The following CRADD variants were observed in gnomAD, a reference collection of about 807,000 sequenced individuals.
The protein encoded by CRADD is death domain-containing protein CRADD.
CRADD carries 9 observed loss-of-function variants against 15.5 expected under a neutral mutation model. The observed-to-expected ratio is 0.58, with a 90% CI of 0.35 to 1.01. The LOEUF is 1.01. Ranked by LOEUF, CRADD falls within the 50% of genes least tolerant of loss-of-function variation. The pLI is 0.02. For synonymous variants in CRADD, 118 were observed against 107.6 expected, an observed-to-expected ratio of 1.10 and a Z score of -0.60; for missense variants, 227 against 250.3, an observed-to-expected ratio of 0.91 and a Z score of 0.63.
At chr12:93,725,863 C>T (rs1174420936) in intron 2 of CRADD, among the ~76,000 whole-genome samples, 1 of 152,126 alleles carries the variant, frequency 6.6e-6, no homozygotes, top group Non-Finnish European at 1.5e-5. Flanking sequence ...CCTCAAAACT[C>T]CCTGCCTGTA....
At chr12:93,891,286 C>T (rs1244958728) in intron 2 of CRADD, among the ~76,000 whole-genome samples, 1 of 151,804 alleles carries the variant, frequency 6.6e-6, no homozygotes, top group Non-Finnish European at 1.5e-5. Flanking sequence ...GCCAGGAGTT[C>T]GAGACCAGCC....
intron 2 of CRADD, among the ~76,000 whole-genome samples, chr12:93,784,344 C>T (rs1028007174): frequency 6.6e-6 from 1 of 152,070 alleles, no homozygotes; most frequent in Non-Finnish European, 1.5e-5. Context: ...AATATCTAAT[C>T]ATGTTTAACT....
chr12:93,702,813 G>A (rs887298304), intron 2 of CRADD, among the ~76,000 whole-genome samples: 4 of 152,096 alleles, frequency 2.6e-5, no homozygotes, highest in African/African-American at 4.8e-5. Context: ...TGGTGGTCCC[G>A]TAACTGAGGA....
At chr12:93,851,181 C>T (rs190456035), downstream of CRADD, among the ~76,000 whole-genome samples, 6 of 152,174 alleles carry the variant, frequency 3.9e-5, no homozygotes, top group African/African-American at 9.7e-5. Flanking sequence ...ACTGTTTTCA[C>T]GGCTTTTCCT....
In CRADD at chr12:93,824,597, C is replaced by T. The variant is rs1454480038; in HGVS notation, c.299-25373C>T. ...GAGTTCAGTTTACTTAGGGAACTGT[C>T]GTGTTAACACCGAAGAATGCATTAG... On this transcript the variant is annotated intron_variant, in intron 2 of 2. Coordinates refer to ENST00000332896, the MANE Select transcript of CRADD (RefSeq NM_003805.5). This position sits in a 1 kb window ranked among gnomAD's most constrained non-coding sequence, Gnocchi z 4.3. Among the ~76,000 whole-genome samples the T allele has an allele frequency of 1.3e-5, 2 of 152,152 alleles. No homozygotes were observed. Among genetic ancestry groups the T allele is most frequent in the Non-Finnish European group, 1.5e-5 (1 of 68,036 alleles).
chr12:93,841,494 C>T (rs1422412702), intron 2 of CRADD, among the ~76,000 whole-genome samples: 1 of 152,142 alleles, frequency 6.6e-6, no homozygotes, highest in Non-Finnish European at 1.5e-5. Flanking sequence ...CCTGTAAAGC[C>T]ATCTGGGCCT....
chr12:93,726,814 A>G (rs1430909573), intron 2 of CRADD, among the ~76,000 whole-genome samples: 1 of 152,098 alleles, frequency 6.6e-6, no homozygotes, highest in African/African-American at 2.4e-5. Flanking sequence ...ATGGTGTACT[A>G]CAGCACTCTA....
intron 2 of CRADD, among the ~76,000 whole-genome samples, chr12:93,772,443 G>A (rs1277376642): frequency 6.6e-6 from 1 of 152,166 alleles, no homozygotes; most frequent in Non-Finnish European, 1.5e-5. Flanking sequence ...ATTTAATTAT[G>A]TCTATGCCAT....
At chr12:93,681,010 G>A (rs957462628) in intron 2 of CRADD, among the ~76,000 whole-genome samples, 2 of 151,800 alleles carry the variant, frequency 1.3e-5, no homozygotes, top group African/African-American at 2.4e-5. Flanking sequence ...TCAGCCTCCC[G>A]AGTAGCTGGG....
At chr12:93,789,323 T>C (rs1377787650) in intron 2 of CRADD, among the ~76,000 whole-genome samples, 1 of 152,126 alleles carries the variant, frequency 6.6e-6, no homozygotes, top group African/African-American at 2.4e-5. Context: ...CCATCCACTT[T>C]TCCTGAACAG....
intron 2 of CRADD, among the ~76,000 whole-genome samples, chr12:93,823,849 G>C (rs1268973198): frequency 1.3e-5 from 2 of 152,196 alleles, no homozygotes; most frequent in Non-Finnish European, 2.9e-5. Flanking sequence ...AGTCTAAAGA[G>C]ACTGTACTAG....
chr12:93,851,062 G>A (rs911514248), downstream of CRADD, among the ~76,000 whole-genome samples: 3 of 152,228 alleles, frequency 2.0e-5, no homozygotes, highest in African/African-American at 7.2e-5. Context: ...ACGAGAGGGG[G>A]TGTGGTCTTT....
chr12:93,820,735 C>T (rs1957760408), intron 2 of CRADD, among the ~76,000 whole-genome samples: 1 of 152,112 alleles, frequency 6.6e-6, no homozygotes, highest in African/African-American at 2.4e-5. Flanking sequence ...CCACAGCAGT[C>T]GGGATGGATT....
chr12:93,852,879 G>A (rs1262804775), downstream of CRADD, among the ~76,000 whole-genome samples: 1 of 151,864 alleles, frequency 6.6e-6, no homozygotes, highest in Admixed American at 6.6e-5. Context: ...ATGCATGCAT[G>A]AGTGTGGCCC....
chr12:93,849,407 T>C (rs1958179608), intron 2 of CRADD: 1 of 152,716 alleles, frequency 6.5e-6, no homozygotes, highest in South Asian at 2.1e-4. Flanking sequence ...TGAGTTTTTC[T>C]GGTGGGATTT....
chr12:93,707,193 G>T (rs1213281268), intron 2 of CRADD, among the ~76,000 whole-genome samples: 1 of 152,194 alleles, frequency 6.6e-6, no homozygotes, highest in Non-Finnish European at 1.5e-5. Flanking sequence ...AAATGATTGG[G>T]AGGAAGGCAC....
intron 2 of CRADD, among the ~76,000 whole-genome samples, chr12:93,820,764 A>T (rs1957760808): frequency 6.6e-6 from 1 of 152,062 alleles, no homozygotes. Flanking sequence ...TGTAAATTGG[A>T]TCATGCCCCA....
intron 2 of CRADD, among the ~76,000 whole-genome samples, chr12:93,817,469 A>T (rs1034234256): frequency 3.9e-5 from 6 of 152,160 alleles, no homozygotes; most frequent in African/African-American, 1.4e-4. Context: ...AACAGAGGCA[A>T]CAGAGGTTAA....
intron 2 of CRADD, among the ~76,000 whole-genome samples, chr12:93,806,201 C>A (rs1464546510): frequency 6.6e-6 from 1 of 151,944 alleles, no homozygotes; most frequent in Non-Finnish European, 1.5e-5. Flanking sequence ...TGCCTGTAAT[C>A]CCAGCACTTT....
Sources: gnomAD v4.1 joint callset for allele counts (sites outside exome capture counted in the v4.1 genomes callset) on GRCh38, gnomAD v4.1.1 for gene constraint, Gnocchi (gnomAD v3.1) non-coding constraint, MANE v1.5 for transcripts, NCBI Gene and HGNC (gene_info 2026-07-23, HGNC 2026-07-21) for gene names.